Variants in PAQR9 observed in about 807,000 individuals in gnomAD.
PAQR9 encodes progestin and adipoQ receptor family member 9, also known as membrane progestin receptor epsilon.
In PAQR9, 12 loss-of-function variants were observed where a neutral mutation model predicts 24.0. That is an observed-to-expected ratio of 0.50 (90% CI 0.32 to 0.81). The LOEUF is 0.81. PAQR9 is among the 30% of genes least tolerant of loss of function. PAQR9 has a pLI of 0.03. For missense variants in PAQR9, 418 were observed against 520.8 expected (o/e 0.80, Z 1.92); for synonymous variants, 266 against 237.6 (o/e 1.12, Z -1.10).
rs1934796196 is a variant in PAQR9 at position 142,956,792 on chromosome 3, G to C, written c.*5411C>G. Among the ~76,000 whole-genome samples, 2 of 152,300 alleles carry C rather than the reference G, an allele frequency of 1.3e-5. No individual in the cohort carries two copies. The highest frequency in any genetic ancestry group is 2.1e-4 in the South Asian group (1 of 4,822). On this transcript the variant is annotated 3_prime_UTR_variant, in exon 1 of 1. Coordinates refer to ENST00000340634, the MANE Select transcript of PAQR9 (RefSeq NM_198504.4). ...ATCTGCAAACCAGAAATGCAATACA[G>C]TTATCCTTTTTTAAATGACAACAAC...
Position 142,962,945 on chromosome 3 carries a change from A to T in PAQR9, c.392T>A (p.Leu131Gln). 1 of 1,614,068 alleles carries T rather than the reference A, an allele frequency of 6.2e-7. No homozygotes were observed. The highest frequency in any genetic ancestry group is 8.5e-7 in the Non-Finnish European group (1 of 1,180,006). ...PLWCYASGVL[L>Q]TFAMSCTAHV... is the part of the protein sequence containing the mutation. Reference sequence around the variant, plus strand: ...CGCCGTGCAGCTCATGGCGAAGGTCAGCAGCACTCCCGACGCGTAGCACCA... The same window carrying T: ...CGCCGTGCAGCTCATGGCGAAGGTCTGCAGCACTCCCGACGCGTAGCACCA... Residue 131 changes from leucine to glutamine, a missense_variant, in exon 1 of 1, where the codon CTG becomes CAG. Around this residue, in one of 3 missense-constraint regions of PAQR9, gnomAD observed 180 missense variants for 190.3 expected, o/e 0.95. Coordinates refer to ENST00000340634, the MANE Select transcript of PAQR9 (RefSeq NM_198504.4).
At position 142,957,331 on chromosome 3, in the gene PAQR9, C is replaced by G. The variant is rs1934805090; in HGVS notation, c.*4872G>C. 6.6e-6 allele frequency among the ~76,000 whole-genome samples: 1 copy of G among 152,224 alleles called. No individual in the cohort carries two copies. The highest frequency in any genetic ancestry group is 2.4e-5 in the African/African-American group (1 of 41,446). On this transcript the variant is annotated 3_prime_UTR_variant, in exon 1 of 1. Coordinates refer to ENST00000340634, the MANE Select transcript of PAQR9 (RefSeq NM_198504.4). ...AAATTTAAAACTCAGGCTGACTGCA[C>G]AGTTGAACTTGCTGCCCCATTCTGA...
rs745754291 is a variant in PAQR9, at chr3:142,962,705, G to T, written c.632C>A (p.Ala211Asp). Residue 211 changes from alanine (A) to aspartate (D), a missense_variant, in exon 1 of 1, where the codon GCC (alanine) becomes GAC (aspartate). Physicochemically the swap from Ala to Asp is moderately radical, Grantham distance 126 (BLOSUM62 -2). Coordinates refer to ENST00000340634, the MANE Select transcript of PAQR9 (RefSeq NM_198504.4). ...CACGAAGGCCACAGGCAGCACCAGG[G>T]CGCGGTAGGCGGCGATAAGGCGCGT... ...DCTRLIAAYRALVLPVAFVLA... is the reference protein window; with the variant it reads ...DCTRLIAAYRDLVLPVAFVLA... 6.8e-6 allele frequency: 11 copies of T among 1,612,772 alleles called. No homozygotes were observed. Among genetic ancestry groups the T allele is most frequent in the East Asian group, 2.2e-5 (1 of 44,862 alleles).
downstream of PAQR9, chr3:142,951,595 G>T (rs1030203489): frequency 3.1e-5 from 13 of 415,758 alleles, no homozygotes; most frequent in South Asian, 1.4e-4. Flanking sequence ...AGTAGGCATT[G>T]GTTGGCTTAC....
At position 142,955,446 on chromosome 3, in the gene PAQR9, A is replaced by T; in HGVS notation, c.*6757T>A. Among the ~76,000 whole-genome samples, 1 of 96,120 alleles carries T rather than the reference A, an allele frequency of 1.0e-5. No homozygotes were observed. The highest frequency in any genetic ancestry group is 3.5e-4 in the South Asian group (1 of 2,892). 63.1% of individuals were successfully genotyped at this position (96,120 alleles called of 152,430 possible). A position where few individuals can be genotyped will look rare whatever the true frequency, so the allele number is the denominator to read the frequency against. On this transcript the variant is annotated 3_prime_UTR_variant, in exon 1 of 1. Transcript: ENST00000340634. ...GACCACATGGTCTATACAAATTAAA[A>T]AAAAAAAAAAAAAAAAAAAAAAAAA...
downstream of PAQR9, among the ~76,000 whole-genome samples, chr3:142,952,004 C>T (rs1278488218): frequency 7.5e-6 from 1 of 133,872 alleles, no homozygotes; most frequent in African/African-American, 2.9e-5. Flanking sequence ...AAAACAAAGG[C>T]GGTGTGCACT....
chr3:142,951,070 TTTAG>T (rs1300116073), downstream of PAQR9, among the ~76,000 whole-genome samples: 2 of 152,178 alleles, frequency 1.3e-5, no homozygotes, highest in African/African-American at 4.8e-5. Context: ...TTTATTTTAT[TTTAG>T]TTATTTTTAT....
upstream of PAQR9, chr3:142,963,678 C>T: frequency 1.6e-6 from 1 of 622,604 alleles, no homozygotes; most frequent in Non-Finnish European, 2.0e-6. Context: ...GGTGACTGGG[C>T]ATCGCGCGGT....
rs1019339851 is a variant in PAQR9, at chr3:142,954,987, T to C, written c.*7216A>G. The stretch of plus-strand genomic sequence containing the variant: ...GTAAGGGTAGCCTAAAAAGAATGAA[T>C]CTGGCAAGCAATGGGAAAAATTTCT... On this transcript the variant is annotated 3_prime_UTR_variant, in exon 1 of 1. Coordinates refer to ENST00000340634, the MANE Select transcript of PAQR9 (RefSeq NM_198504.4). Among the ~76,000 whole-genome samples, 1 of 152,078 alleles carries C rather than the reference T, an allele frequency of 6.6e-6. No individual in the cohort carries two copies. Among genetic ancestry groups the C allele is most frequent in the African/African-American group, 2.4e-5 (1 of 41,390 alleles).
At position 142,963,231 on chromosome 3, in the gene PAQR9, C is replaced by T. The variant is rs115958571; in HGVS notation, c.106G>A (p.Asp36Asn). Residue 36 changes from aspartate to asparagine, a missense_variant, in exon 1 of 1, where the codon GAC becomes AAC. Transcript: ENST00000340634. ...ARNSHSAASR[D>N]PPASAKPLLR... The stretch of plus-strand genomic sequence containing the variant: ...AGCGGCTTGGCAGACGCTGGGGGGT[C>T]CCGGGAGGCGGCAGAGTGGGAGTTC... The T allele has an allele frequency of 4.1e-3, 6,382 of 1,549,658 alleles. 138 individuals are homozygous for T. In the African/African-American group the frequency reaches 0.059, roughly 14 times the overall value.
chr3:142,963,791 C>T (rs1934970287), upstream of PAQR9: 1 of 983,814 alleles, frequency 1.0e-6, no homozygotes, highest in East Asian at 1.1e-4. Context: ...GGGGGCCTCC[C>T]AGGCTAGGGT....
downstream of PAQR9, chr3:142,951,635 C>T (rs1934713539): frequency 2.2e-6 from 1 of 450,318 alleles, no homozygotes; most frequent in South Asian, 1.6e-5. Context: ...CAGGAGTGGA[C>T]TCAAGGTTTT....
At position 142,963,598 on chromosome 3, in the gene PAQR9, T is replaced by C. The variant is rs1934961107; in HGVS notation, c.-262A>G. The stretch of plus-strand genomic sequence containing the variant: ...AGCGGCTTCCTCGCCAAGCCCCTGC[T>C]ACCGGCGCGCGGCCGCCCGCGCTGC... On this transcript the variant is annotated 5_prime_UTR_variant, in exon 1 of 1. Transcript: ENST00000340634. 1 of 850,114 alleles carries C rather than the reference T, an allele frequency of 1.2e-6. No homozygotes were observed. 52.7% of individuals were successfully genotyped at this position (850,114 alleles called of 1,614,324 possible).
chr3:142,962,165 C>G lies in PAQR9; in HGVS notation c.*38G>C, dbSNP rs368699463. 24 of 1,582,420 alleles carry G rather than the reference C, an allele frequency of 1.5e-5. No individual in the cohort carries two copies. Among genetic ancestry groups the G allele is most frequent in the Middle Eastern group, 3.3e-4 (2 of 6,004 alleles). ...CAATAGCAACAACAGAAACTCCAAACAGATGGGCGAACCAGTAGTCTCCTC... is the reference window on the plus strand; with the variant it reads ...CAATAGCAACAACAGAAACTCCAAAGAGATGGGCGAACCAGTAGTCTCCTC... On this transcript the variant is annotated 3_prime_UTR_variant, in exon 1 of 1. Transcript: ENST00000340634.
chr3:142,962,577 C>T lies in PAQR9; in HGVS notation c.760G>A (p.Ala254Thr). 1 of 1,614,000 alleles carries T rather than the reference C, an allele frequency of 6.2e-7. No individual in the cohort carries two copies. The highest frequency in any genetic ancestry group is 8.5e-7 in the Non-Finnish European group (1 of 1,180,016). The part of the protein sequence containing the change: ...TFVFVMPLSM[A>T]CPIMLESWLF... ...CAGCTCTCGAGCATAATGGGGCAGGCCATGCTGAGCGGCATGACGAAGACG... is the reference window on the plus strand; with the variant it reads ...CAGCTCTCGAGCATAATGGGGCAGGTCATGCTGAGCGGCATGACGAAGACG... Residue 254 changes from alanine to threonine, a missense_variant, in exon 1 of 1, where the codon GCC becomes ACC. This residue lies in a region of PAQR9 where 230 missense variants were observed against 305.2 expected (regional missense o/e 0.75). Coordinates refer to ENST00000340634, the MANE Select transcript of PAQR9 (RefSeq NM_198504.4).
At chr3:142,950,450 T>C (rs1353098975), downstream of PAQR9, 2 of 257,228 alleles carry the variant, frequency 7.8e-6, no homozygotes, top group Non-Finnish European at 1.6e-5. Flanking sequence ...GTTGTTGATT[T>C]TTCAGTTCAG....
Position 142,962,631 on chromosome 3 carries a change from A to T in PAQR9, c.706T>A (p.Cys236Ser). 6.2e-7 allele frequency: 1 copy of T among 1,611,896 alleles called. No homozygotes were observed. Among genetic ancestry groups the T allele is most frequent in the East Asian group, 2.2e-5 (1 of 44,866 alleles). The stretch of plus-strand genomic sequence containing the variant: ...GTGCGCAGCGCGAACGGGTAGGTAC[A>T]CCAGTCGGTACGGCTCTTGCAGCAG... ...VACCKSRTDWCTYPFALRTFV... is the reference protein window; with the variant it reads ...VACCKSRTDWSTYPFALRTFV... The change falls in exon 1 of 1, where the codon TGT becomes AGT. Residue 236 changes from cysteine to serine, a missense_variant. Cys to Ser is a moderately radical substitution (Grantham distance 112). Around this residue, in one of 3 missense-constraint regions of PAQR9, gnomAD observed 230 missense variants for 305.2 expected, o/e 0.75. Transcript: ENST00000340634.
At position 142,957,829 on chromosome 3, in the gene PAQR9, A is replaced by G. The variant is rs1295594989; in HGVS notation, c.*4374T>C. On this transcript the variant is annotated 3_prime_UTR_variant, in exon 1 of 1. Transcript: ENST00000340634. ...AGGAGCACACAGAAAAAGAAAAAAG[A>G]AAGAAATTGATTGCTGAGGAAGTCA... is the stretch of plus-strand genomic sequence containing the variant. 6.6e-6 allele frequency among the ~76,000 whole-genome samples: 1 copy of G among 152,230 alleles called. No homozygotes were observed. The highest frequency in any genetic ancestry group is 1.5e-5 in the Non-Finnish European group (1 of 68,048).
chr3:142,962,673 C>A lies in PAQR9; in HGVS notation c.664G>T (p.Val222Leu). 6.2e-7 allele frequency: 1 copy of A among 1,611,984 alleles called. No homozygotes were observed. ...TTGCAGCAGGCCACAGTGCAAGCCA[C>A]CGCCAGCACGAAGGCCACAGGCAGC... ...LVLPVAFVLA[V>L]ACTVACCKSR... is the part of the protein sequence containing the mutation. Residue 222 changes from valine (V) to leucine (L), a missense_variant, in exon 1 of 1, where the codon GTG (valine) becomes TTG (leucine). Transcript: ENST00000340634.
Sources: gnomAD v4.1 joint callset for allele counts (sites outside exome capture counted in the v4.1 genomes callset) on GRCh38, gnomAD v4.1.1 for gene constraint, gnomAD v4.1.1 regional missense constraint, MANE v1.5 for transcripts, NCBI Gene and HGNC (gene_info 2026-07-23, HGNC 2026-07-21) for gene names.